Variants in EMP2 observed in about 807,000 individuals in gnomAD.
EMP2 encodes epithelial membrane protein 2.
EMP2 carries 19 observed loss-of-function variants against 13.7 expected under a neutral mutation model. The ratio of observed to expected loss-of-function variants is 1.38; its 90% confidence interval spans 0.97 to 2.03. EMP2 has a LOEUF of 2.03. Ranked by LOEUF, EMP2 falls within the 30% of genes most tolerant of loss-of-function variation. EMP2 has a pLI of 0.00. For missense variants in EMP2, 253 were observed against 220.7 expected (o/e 1.15, Z -0.93); for synonymous variants, 97 against 84.7 (o/e 1.15, Z -0.80).
rs773980255 is a variant in EMP2, at chr16:10,537,919, T to A, written c.316+9A>T. The A allele has an allele frequency of 1.1e-5, 18 of 1,612,904 alleles. No homozygotes were observed. The South Asian group carries it at 1.4e-4, about 13-fold the overall frequency. ...GCCCCTTGTTAGGGAAGCCCGTTGA[T>A]GTACTTACATGACATTAGCTGGATG... On this transcript the variant is annotated intron_variant, in intron 4 of 4. Transcript: ENST00000359543.
intron 1 of EMP2, among the ~76,000 whole-genome samples, chr16:10,560,344 G>C (rs1402072454): frequency 1.3e-5 from 2 of 152,204 alleles, no homozygotes; most frequent in African/African-American, 2.4e-5. Context: ...ACCGCCGCAC[G>C]CAGGGTAGTA....
rs756743556 is a variant in EMP2 at position 10,532,973 on chromosome 16, C to A, written c.436G>T (p.Ala146Ser). Reference protein sequence around the residue: ...EGSYGYSYILAWVAFACTFIS... With the variant: ...EGSYGYSYILSWVAFACTFIS... ...AAGGTGCAGGCGAAGGCCACCCACGCCAGGATGTAGGAGTAGCCGTAGCTG... is the reference window on the plus strand; with the variant it reads ...AAGGTGCAGGCGAAGGCCACCCACGACAGGATGTAGGAGTAGCCGTAGCTG... The change falls in exon 5 of 5, where the codon GCG (alanine) becomes TCG (serine). Residue 146 changes from alanine (A) to serine (S), a missense_variant. Transcript: ENST00000359543. 8 of 1,610,736 alleles carry A rather than the reference C, an allele frequency of 5.0e-6. No homozygotes were observed. The Admixed American group carries it at 1.3e-4, about 27-fold the overall frequency.
chr16:10,572,100 A>C (rs1439384564), intron 1 of EMP2, among the ~76,000 whole-genome samples: 1 of 152,246 alleles, frequency 6.6e-6, no homozygotes, highest in African/African-American at 2.4e-5. Flanking sequence ...GGAGCAGGAG[A>C]AAGAGGGAAT....
chr16:10,571,255 CAAAAAAAAAA>C lies in EMP2; in HGVS notation c.-61+9284_-61+9293del, dbSNP rs58665715. ...CTGGTGACAGAGCAAGACTCCGTCTCAAAAAAAAAAAAAAAAAAAAAAAAAAAAGAGTTGC... is the reference window on the plus strand; with the variant it reads ...CTGGTGACAGAGCAAGACTCCGTCTCAAAAAAAAAAAAAAAAAAGAGTTGC... On this transcript the variant is annotated intron_variant, in intron 1 of 4. Coordinates refer to ENST00000359543, the MANE Select transcript of EMP2 (RefSeq NM_001424.6). Among the ~76,000 whole-genome samples, 22 of 33,432 alleles carry C rather than the reference CAAAAAAAAAA, an allele frequency of 6.6e-4. No homozygotes were observed. The East Asian group carries it at 0.019, about 28-fold the overall frequency. The allele number at this position is 33,432 out of a possible 152,430, so 21.9% of individuals were successfully genotyped here. A position where few individuals can be genotyped will look rare whatever the true frequency, so the allele number is the denominator to read the frequency against.
intron 1 of EMP2, among the ~76,000 whole-genome samples, chr16:10,555,999 G>C (rs1048456243): frequency 1.3e-5 from 2 of 151,982 alleles, no homozygotes; most frequent in Non-Finnish European, 2.9e-5. Flanking sequence ...TTAACTTCCT[G>C]CTTAGGGAAA....
At chr16:10,576,119 AC>A (rs1430347696) in intron 1 of EMP2, among the ~76,000 whole-genome samples, 6 of 152,002 alleles carry the variant, frequency 3.9e-5, no homozygotes, top group African/African-American at 1.4e-4. Flanking sequence ...TTTTGTTTCA[AC>A]CCAAGCAGAA....
rs770348717 is a variant in EMP2 at position 10,543,554 on chromosome 16, C to T, written c.169+16G>A. 5 of 1,613,796 alleles carry T rather than the reference C, an allele frequency of 3.1e-6. No individual in the cohort carries two copies. In the African/African-American group the frequency reaches 6.7e-5, roughly 22 times the overall value. ...CCCTCAGTGCTTCTCAGTCAGCTTC[C>T]TTCATTCACACTTACCTTGAAAGCT... On this transcript the variant is annotated intron_variant, in intron 3 of 4. Coordinates refer to ENST00000359543, the MANE Select transcript of EMP2 (RefSeq NM_001424.6).
At position 10,557,893 on chromosome 16, in the gene EMP2, G is replaced by A. The variant is rs184478188; in HGVS notation, c.-60-10216C>T. Among the ~76,000 whole-genome samples, 25 of 152,178 alleles carry A rather than the reference G, an allele frequency of 1.6e-4. No homozygotes were observed. In the East Asian group the frequency reaches 4.4e-3, roughly 27 times the overall value. On this transcript the variant is annotated intron_variant, in intron 1 of 4. Transcript: ENST00000359543. The stretch of plus-strand genomic sequence containing the variant: ...TTTCAAGCAGCAACAAGAAACCTCC[G>A]GGCATCAGAACTGGAGAGAGTGGGG...
intron 2 of EMP2, chr16:10,547,264 A>G (rs1028294711): frequency 8.4e-6 from 3 of 356,844 alleles, no homozygotes; most frequent in African/African-American, 6.2e-5. Flanking sequence ...GTGGTAGTGA[A>G]TAAGTCTCAC....
In EMP2 at chr16:10,580,331, C is replaced by G. The variant is rs550746922; in HGVS notation, c.-61+218G>C. Reference sequence around the variant, plus strand: ...CGGCTCAAAAGGCGTGGGAAGCTGTCCCGGGATGGCGAAGTGGAATTCTGG... The same window carrying G: ...CGGCTCAAAAGGCGTGGGAAGCTGTGCCGGGATGGCGAAGTGGAATTCTGG... On this transcript the variant is annotated intron_variant, in intron 1 of 4. Coordinates refer to ENST00000359543, the MANE Select transcript of EMP2 (RefSeq NM_001424.6). This position sits in a 1 kb window ranked among gnomAD's most constrained non-coding sequence, Gnocchi z 4.3. Among the ~76,000 whole-genome samples, 1 of 152,220 alleles carries G rather than the reference C, an allele frequency of 6.6e-6. No individual in the cohort carries two copies. Among genetic ancestry groups the G allele is most frequent in the Non-Finnish European group, 1.5e-5 (1 of 68,026 alleles).
intron 1 of EMP2, among the ~76,000 whole-genome samples, chr16:10,569,855 G>C (rs561009614): frequency 6.6e-6 from 1 of 152,172 alleles, no homozygotes; most frequent in African/African-American, 2.4e-5. Flanking sequence ...ATGTCACACT[G>C]GTATAAACGG....
chr16:10,532,906 T>C lies in EMP2; in HGVS notation c.503A>G (p.Ter168TrpextTer27), dbSNP rs144843035. Reference protein sequence around the residue: ...MMYLILRKRK* With the variant: ...MMYLILRKRKW ...CAGAAGCAACCCAGCTCCGGAACTC[T>C]ATTTGCGCTTCCTCAGTATCAGGTA... Residue 168 changes from the stop codon to tryptophan, a stop_lost, in exon 5 of 5, where the codon TAG (stop) becomes TGG (tryptophan). Coordinates refer to ENST00000359543, the MANE Select transcript of EMP2 (RefSeq NM_001424.6). The C allele has an allele frequency of 1.0e-4, 152 of 1,526,254 alleles. No homozygotes were observed. Among genetic ancestry groups the C allele is most frequent in the Non-Finnish European group, 1.3e-4 (149 of 1,131,042 alleles). 94.5% of individuals were successfully genotyped at this position (1,526,254 alleles called of 1,614,324 possible). A position where few individuals can be genotyped will look rare whatever the true frequency, so the allele number is the denominator to read the frequency against.
At chr16:10,557,015 G>A (rs1416010263) in intron 1 of EMP2, among the ~76,000 whole-genome samples, 2 of 152,102 alleles carry the variant, frequency 1.3e-5, no homozygotes, top group Non-Finnish European at 2.9e-5. Context: ...TGGCCCATTC[G>A]CTAAGGTTGA....
chr16:10,575,403 G>A (rs550672300), intron 1 of EMP2, among the ~76,000 whole-genome samples: 4 of 151,524 alleles, frequency 2.6e-5, no homozygotes, highest in East Asian at 1.9e-4. Flanking sequence ...ACAGGCGCCC[G>A]CCACCACACC....
chr16:10,559,431 G>A (rs538113355), intron 1 of EMP2, among the ~76,000 whole-genome samples: 3 of 152,342 alleles, frequency 2.0e-5, no homozygotes, highest in South Asian at 2.1e-4. Context: ...GGCTCTCTCC[G>A]GAAATGGCAA....
At chr16:10,562,386 ATC>A (rs1272515047) in intron 1 of EMP2, among the ~76,000 whole-genome samples, 3 of 107,976 alleles carry the variant, frequency 2.8e-5, no homozygotes, top group East Asian at 5.7e-4. Flanking sequence ...CTCTCTATCT[ATC>A]TCTCTCTCTC....
At chr16:10,560,817 G>A (rs2050866131) in intron 1 of EMP2, among the ~76,000 whole-genome samples, 1 of 151,892 alleles carries the variant, frequency 6.6e-6, no homozygotes, top group South Asian at 2.1e-4. Context: ...ACAGTGCAGA[G>A]TGGCACACTT....
At chr16:10,557,299 T>C (rs571484767) in intron 1 of EMP2, among the ~76,000 whole-genome samples, 78 of 150,540 alleles carry the variant, frequency 5.2e-4, no homozygotes, top group Non-Finnish European at 9.8e-4. Context: ...GGAGGTTGCA[T>C]TGAGCCGAGA....
At position 10,543,579 on chromosome 16, in the gene EMP2, T is replaced by G. The variant is rs757044666; in HGVS notation, c.160A>C (p.Ser54Arg). ...NNTNCTVIND[S>R]FQEYSTLQAV... ...CTTCATTCACACTTACCTTGAAAGC[T>G]GTCATTGATGACTGTGCAATTCGTG... Residue 54 changes from serine to arginine, a missense_variant, in exon 3 of 5, where the codon AGC (serine) becomes CGC (arginine). Physicochemically the swap from Ser to Arg is moderately radical, Grantham distance 110 (BLOSUM62 -1). Transcript: ENST00000359543. 17 of 1,614,120 alleles carry G rather than the reference T, an allele frequency of 1.1e-5. No homozygotes were observed. The highest frequency in any genetic ancestry group is 1.3e-5 in the Non-Finnish European group (15 of 1,180,030).
Sources: allele counts gnomAD v4.1 joint callset (sites outside exome capture counted in the v4.1 genomes callset), GRCh38; gene constraint gnomAD v4.1.1; non-coding constraint Gnocchi (gnomAD v3.1); transcripts MANE v1.5; gene names NCBI Gene and HGNC (gene_info 2026-07-23, HGNC 2026-07-21).